The following RTEL1 variants were observed in gnomAD, a reference collection of about 807,000 sequenced individuals.
RTEL1 encodes the protein regulator of telomere elongation helicase 1, also known as regulator of telomere length.
In RTEL1, 86 loss-of-function variants were observed where a neutral mutation model predicts 162.2. The observed-to-expected ratio is 0.53, with a 90% confidence interval of 0.45 to 0.63. The LOEUF (loss-of-function observed/expected upper bound fraction) is 0.63. RTEL1 is among the 30% of genes least tolerant of loss of function. The pLI is 0.00. For missense variants in RTEL1, 1,941 were observed against 1,750.2 expected (o/e 1.11, Z -1.95); for synonymous variants, 958 against 717.9 (o/e 1.33, Z -5.35).
At chr20:63,671,201 C>T (rs2090234067) in intron 8 of RTEL1, among the ~76,000 whole-genome samples, 1 of 152,128 alleles carries the variant, frequency 6.6e-6, no homozygotes, top group African/African-American at 2.4e-5. Flanking sequence ...GCTGGGACTA[C>T]AGGCACCCGC....
At position 63,693,293 on chromosome 20, in the gene RTEL1, G is replaced by T; in HGVS notation, c.2992+10G>T. On this transcript the variant is annotated intron_variant, in intron 30 of 34. Transcript: ENST00000360203. Reference sequence around the variant, plus strand: ...GTCCTGGACCCCACTGGTAAATGGGGCCCCAGGTGGGACCCTCAGACTCCT... The same window carrying T: ...GTCCTGGACCCCACTGGTAAATGGGTCCCCAGGTGGGACCCTCAGACTCCT... 1 of 1,611,246 alleles carries T rather than the reference G, an allele frequency of 6.2e-7. No homozygotes were observed. Among genetic ancestry groups the T allele is most frequent in the Non-Finnish European group, 8.5e-7 (1 of 1,179,242 alleles).
chr20:63,691,652 G>GC, intron 27 of RTEL1, 90 bp from the exon 28 acceptor site: 1 of 1,168,820 alleles, frequency 8.6e-7, no homozygotes, highest in South Asian at 1.3e-5. Flanking sequence ...AGGGCTCCTT[G>GC]GGACCATCTT....
chr20:63,687,878 G>A (rs2090632702), intron 17 of RTEL1, 59 bp from the exon 18 acceptor site: 9 of 1,593,700 alleles, frequency 5.6e-6, no homozygotes, highest in African/African-American at 2.7e-5. Flanking sequence ...CTCGGGCCTC[G>A]AGGGCTAAAG....
intron 27 of RTEL1, 37 bp downstream of exon 27, chr20:63,690,984 C>CT (rs1568713852): frequency 9.8e-6 from 15 of 1,527,308 alleles, no homozygotes; most frequent in Non-Finnish European, 1.3e-5. Context: ...CACAGACCCT[C>CT]TGTCTCCTGA....
intron 24 of RTEL1, 93 bp downstream of exon 24, chr20:63,689,958 T>C (rs2090690227): frequency 1.3e-6 from 2 of 1,550,942 alleles, no homozygotes; most frequent in African/African-American, 1.3e-5. Context: ...AGGCCCCGTC[T>C]CCTCCAGAGC....
At position 63,677,020 on chromosome 20, in the gene RTEL1, C is replaced by G. The variant is rs540486805; in HGVS notation, c.920-1125C>G. ...TCCTGCCCCATGCTCCCTCCTGAAT[C>G]TCACTCCTGACCTCAGTTGCTGCAC... On this transcript the variant is annotated intron_variant, in intron 10 of 34. Coordinates refer to ENST00000360203, the MANE Select transcript of RTEL1 (RefSeq NM_001283009.2). 4.6e-5 allele frequency among the ~76,000 whole-genome samples: 7 copies of G among 152,046 alleles called. No individual in the cohort carries two copies. In the East Asian group the frequency reaches 1.4e-3, roughly 30 times the overall value.
In RTEL1 at chr20:63,668,014, C is replaced by A. The variant is rs2090171126; in HGVS notation, c.699+461C>A. 6.7e-6 allele frequency among the ~76,000 whole-genome samples: 1 copy of A among 150,046 alleles called. No individual in the cohort carries two copies. The highest frequency in any genetic ancestry group is 2.1e-4 in the South Asian group (1 of 4,716). ...GTGCATGCCCGGCCCCACACTCACT[C>A]CCCCCACAGCATGTGCCCGGCCTGA... is the stretch of plus-strand genomic sequence containing the variant. On this transcript the variant is annotated intron_variant, in intron 8 of 34. Transcript: ENST00000360203. This position sits in a 1 kb window ranked among gnomAD's most constrained non-coding sequence, Gnocchi z 4.3.
chr20:63,666,720 C>T (rs186544621), intron 7 of RTEL1, among the ~76,000 whole-genome samples: 61 of 152,086 alleles, frequency 4.0e-4, no homozygotes, highest in Admixed American at 7.2e-4. Context: ...ATTTTTTGTA[C>T]AGACAGGGTC....
At chr20:63,666,178 C>T (rs958189023) in intron 7 of RTEL1, 99 bp downstream of exon 7, 17 of 969,748 alleles carry the variant, frequency 1.8e-5, no homozygotes, top group South Asian at 9.2e-5. Context: ...TTTCTTTGTT[C>T]CTTTTTAAAT....
Position 63,661,934 on chromosome 20 carries a change from C to T in RTEL1, c.386C>T (p.Thr129Ile). The change falls in exon 4 of 35, where the codon ACC becomes ATC. Residue 129 changes from threonine to isoleucine, a missense_variant. Transcript: ENST00000360203. This position sits in a 1 kb window ranked among gnomAD's most constrained non-coding sequence, Gnocchi z 5.1. The part of the protein sequence containing the change: ...LTQVINELRN[T>I]SYRPKVCVLG... ...CAGGTCATCAACGAGCTTCGGAACA[C>T]CTCCTACCGGTGGGTCAGACGAGTT... is the stretch of plus-strand genomic sequence containing the variant. 1 of 1,613,850 alleles carries T rather than the reference C, an allele frequency of 6.2e-7. No individual in the cohort carries two copies. The highest frequency in any genetic ancestry group is 1.3e-5 in the African/African-American group (1 of 75,028).
In RTEL1 at chr20:63,695,872, C is replaced by A. The variant is rs373716430; in HGVS notation, c.*14C>A. The A allele has an allele frequency of 1.3e-6, 2 of 1,569,604 alleles. No individual in the cohort carries two copies. The highest frequency in any genetic ancestry group is 1.7e-6 in the Non-Finnish European group (2 of 1,158,728). ...GAGCCCCAGTGAGTGCCCACGGAGG[C>A]CCCCAGCACACCCAACGTGGCTTGA... On this transcript the variant is annotated 3_prime_UTR_variant, in exon 35 of 35. Coordinates refer to ENST00000360203, the MANE Select transcript of RTEL1 (RefSeq NM_001283009.2).
chr20:63,666,165 A>G (rs1364013536), intron 7 of RTEL1, 86 bp downstream of exon 7: 32 of 1,063,882 alleles, frequency 3.0e-5, no homozygotes, highest in Non-Finnish European at 4.1e-5. Flanking sequence ...ATATTTCTTC[A>G]CTTTTCTTTG....
At position 63,690,141 on chromosome 20, in the gene RTEL1, C is replaced by T. The variant is rs1315335415; in HGVS notation, c.2196C>T (p.Val732=). ...TGCCCTCCTGGGTGCGTCCCCACGT[C>T]AGGGTGTATGACAACTTTGGCCATG... ...AQLPSWVRPH[V]RVYDNFGHVI... Residue 732 remains valine, a synonymous_variant, in exon 25 of 35, where the codon GTC becomes GTT. Transcript: ENST00000360203. 1 of 1,612,406 alleles carries T rather than the reference C, an allele frequency of 6.2e-7. No homozygotes were observed. The highest frequency in any genetic ancestry group is 8.5e-7 in the Non-Finnish European group (1 of 1,179,866).
At chr20:63,672,421 C>A in intron 8 of RTEL1, 135 bp from the exon 9 acceptor site, 2 of 723,758 alleles carry the variant, frequency 2.8e-6, no homozygotes, top group South Asian at 1.6e-5. Context: ...CCAGGTCTGG[C>A]CTCTGCTCTC....
chr20:63,665,992 T>C lies in RTEL1; in HGVS notation c.539-12T>C, dbSNP rs1351657220. The stretch of plus-strand genomic sequence containing the variant: ...CTGAGGGTGTGTGTTTACCCCTGCC[T>C]CACACCTGCAGAAAAAAGCCTGGAG... On this transcript the variant is annotated splice_polypyrimidine_tract_variant and intron_variant, in intron 6 of 34. Transcript: ENST00000360203. 1 of 1,613,464 alleles carries C rather than the reference T, an allele frequency of 6.2e-7. No individual in the cohort carries two copies.
chr20:63,678,879 GCACACACACTCCCACAGACAGCACA>G (rs1219470997), intron 12 of RTEL1, among the ~76,000 whole-genome samples: 5 of 131,792 alleles, frequency 3.8e-5, no homozygotes, highest in Non-Finnish European at 7.5e-5. Flanking sequence ...CCACGGAACA[GCACACACACTCCCACAGACAGCACA>G]CACACACCCA....
rs117195545 is a variant in RTEL1 at position 63,687,708 on chromosome 20, C to A, written c.1419C>A (p.Arg473=). ...SMHELVRQGV[R]SLILTSGTLA... ...ACGAGCTGGTCCGCCAGGGCGTCCG[C>A]TCCCTCATCCTTACCAGCGGCACGC... Residue 473 remains arginine (R), a synonymous_variant, in exon 17 of 35, where the codon CGC becomes CGA. Transcript: ENST00000360203. The A allele has an allele frequency of 3.1e-5, 49 of 1,604,452 alleles. No individual in the cohort carries two copies. Among genetic ancestry groups the A allele is most frequent in the Non-Finnish European group, 4.0e-5 (47 of 1,177,126 alleles).
intron 16 of RTEL1, chr20:63,687,164 C>T (rs1017934980): frequency 1.3e-5 from 2 of 157,312 alleles, no homozygotes; most frequent in African/African-American, 2.4e-5. Context: ...TTTGAGCTGG[C>T]GCCCTTGTTC....
At chr20:63,674,904 TTCTTTCTTTTTTTTTTTTTTGAGATGGAG>T (rs2090318005) in intron 10 of RTEL1, among the ~76,000 whole-genome samples, 1 of 151,956 alleles carries the variant, frequency 6.6e-6, no homozygotes, top group African/African-American at 2.4e-5. Context: ...GGTCTATATT[TTCTTTCTTTTTTTTTTTTTTGAGATGGAG>T]TTTCACTTTT....
Sources: allele counts gnomAD v4.1 joint callset (sites outside exome capture counted in the v4.1 genomes callset), GRCh38; gene constraint gnomAD v4.1.1; non-coding constraint Gnocchi (gnomAD v3.1); transcripts MANE v1.5; gene names NCBI Gene and HGNC (gene_info 2026-07-23, HGNC 2026-07-21).